PRSS23: variants seen among roughly 807,000 people sequenced by gnomAD.
PRSS23 encodes the protein serine protease 23.
A neutral mutation model predicts 34.7 loss-of-function variants in PRSS23; 25 were observed. That is an observed-to-expected ratio of 0.72 (90% CI 0.53 to 1.01). The LOEUF (loss-of-function observed/expected upper bound fraction) is 1.01, where lower values mean the gene tolerates loss of function less well. Ranked by LOEUF, PRSS23 falls within the 50% of genes least tolerant of loss-of-function variation. The pLI, the probability that PRSS23 is intolerant of heterozygous loss-of-function variation, is 0.00. For synonymous variants in PRSS23, 176 were observed against 186.6 expected (o/e 0.94, Z 0.46); for missense variants, 445 against 475.6 (o/e 0.94, Z 0.60).
chr11:86,856,537 A>G (rs1948572822), intron 2 of PRSS23, among the ~76,000 whole-genome samples: 1 of 152,210 alleles, frequency 6.6e-6, no homozygotes, highest in South Asian at 2.1e-4. Context: ...TGAACTGTGG[A>G]AAAGGATGTG....
At chr11:86,905,249 C>T (rs1327968932) in intron 2 of PRSS23, among the ~76,000 whole-genome samples, 1 of 152,168 alleles carries the variant, frequency 6.6e-6, no homozygotes, top group East Asian at 1.9e-4. Flanking sequence ...CACATAGTGG[C>T]TATTCAATAA....
At chr11:86,862,092 G>A (rs546059717) in intron 2 of PRSS23, among the ~76,000 whole-genome samples, 37 of 151,518 alleles carry the variant, frequency 2.4e-4, no homozygotes, top group Non-Finnish European at 4.4e-4. Context: ...TCGCAATATC[G>A]CAGGGGGTGT....
At chr11:86,821,870 T>C (rs192326350) in intron 1 of PRSS23, 42 of 396,900 alleles carry the variant, frequency 1.1e-4, no homozygotes, top group African/African-American at 7.5e-4. Context: ...GTACCAATAA[T>C]TTTTTAGAAG....
At chr11:86,791,958 GAT>G (rs1401952013) in intron 1 of PRSS23, among the ~76,000 whole-genome samples, 1 of 152,164 alleles carries the variant, frequency 6.6e-6, no homozygotes, top group East Asian at 1.9e-4. Flanking sequence ...GGCTCTGTGC[GAT>G]ATGTTAATAT....
intron 2 of PRSS23, among the ~76,000 whole-genome samples, chr11:86,852,846 TTTTG>T (rs571111059): frequency 3.6e-4 from 54 of 152,012 alleles, no homozygotes; most frequent in African/African-American, 5.8e-4. Context: ...TCACACCATG[TTTTG>T]TTTGTTTGTT....
chr11:86,831,814 G>T (rs1013971702), intron 2 of PRSS23, among the ~76,000 whole-genome samples: 1 of 151,766 alleles, frequency 6.6e-6, no homozygotes, highest in African/African-American at 2.4e-5. Context: ...GTCGCAGCGG[G>T]TATACACCCT....
At chr11:86,875,498 G>A (rs183480443) in intron 2 of PRSS23, among the ~76,000 whole-genome samples, 2 of 152,276 alleles carry the variant, frequency 1.3e-5, no homozygotes, top group East Asian at 1.9e-4. Flanking sequence ...TGGTAGGAAC[G>A]CTGACTCTTT....
At chr11:86,841,728 C>A (rs561586058) in intron 2 of PRSS23, among the ~76,000 whole-genome samples, 1 of 152,178 alleles carries the variant, frequency 6.6e-6, no homozygotes, top group African/African-American at 2.4e-5. Flanking sequence ...CAAGAGTAAA[C>A]CAGGAGGAAG....
At chr11:86,908,596 C>T (rs549615679) in intron 2 of PRSS23, among the ~76,000 whole-genome samples, 2 of 152,288 alleles carry the variant, frequency 1.3e-5, no homozygotes, top group Non-Finnish European at 2.9e-5. Flanking sequence ...TAGTTCAACA[C>T]TATGGGATAC....
intron 2 of PRSS23, among the ~76,000 whole-genome samples, chr11:86,931,927 G>GACCAA (rs1423710471): frequency 6.6e-6 from 1 of 152,140 alleles, no homozygotes; most frequent in Non-Finnish European, 1.5e-5. Context: ...TATTATTGGG[G>GACCAA]ACCAAATAAA....
At chr11:86,895,530 A>G (rs1197358186) in intron 2 of PRSS23, among the ~76,000 whole-genome samples, 1 of 115,616 alleles carries the variant, frequency 8.6e-6, no homozygotes, top group Non-Finnish European at 1.6e-5. Context: ...CCCAGGCTGG[A>G]GTACAGTGAT....
chr11:86,874,601 C>T (rs901336395), intron 2 of PRSS23, among the ~76,000 whole-genome samples: 3 of 152,194 alleles, frequency 2.0e-5, no homozygotes, highest in African/African-American at 4.8e-5. Flanking sequence ...CAAAACTAGT[C>T]GGAGTTTACC....
intron 2 of PRSS23, among the ~76,000 whole-genome samples, chr11:86,915,543 A>G (rs1008803775): frequency 5.4e-5 from 8 of 148,292 alleles, no homozygotes; most frequent in African/African-American, 1.7e-4. Context: ...ATAATAATAT[A>G]TATTATATAT....
At chr11:86,840,492 A>T (rs1365375153) in intron 2 of PRSS23, among the ~76,000 whole-genome samples, 4 of 152,094 alleles carry the variant, frequency 2.6e-5, no homozygotes, top group African/African-American at 9.7e-5. Flanking sequence ...CTACAAAGAG[A>T]CTCCCACACA....
In PRSS23 at chr11:86,951,882, G is replaced by C. The variant is rs2135040940; in HGVS notation, c.*597G>C. The stretch of plus-strand genomic sequence containing the variant: ...GTGTTCTTAAGTCCTTCTTGGATGA[G>C]AACAGGTTCTGCTGCCTCTTCAAAA... On this transcript the variant is annotated 3_prime_UTR_variant, in exon 3 of 3. Coordinates refer to the PRSS23 transcript ENST00000533902. The C allele has an allele frequency of 6.2e-7, 1 of 1,613,656 alleles. No homozygotes were observed. Among genetic ancestry groups the C allele is most frequent in the Non-Finnish European group, 8.5e-7 (1 of 1,180,008 alleles).
At chr11:86,820,542 T>A (rs1590877700) in intron 1 of PRSS23, among the ~76,000 whole-genome samples, 1 of 152,332 alleles carries the variant, frequency 6.6e-6, no homozygotes, top group South Asian at 2.1e-4. Context: ...TCCAAGTATG[T>A]TATACTTTAT....
intron 2 of PRSS23, among the ~76,000 whole-genome samples, chr11:86,943,711 T>G (rs180704285): frequency 9.4e-4 from 143 of 152,282 alleles, no homozygotes; most frequent in African/African-American, 1.9e-3. Flanking sequence ...TGTAACAAAT[T>G]ATCACAAACT....
At chr11:86,867,984 C>T (rs375079129) in intron 2 of PRSS23, among the ~76,000 whole-genome samples, 22 of 152,002 alleles carry the variant, frequency 1.4e-4, no homozygotes, top group African/African-American at 4.1e-4. Context: ...GGAGGCTACT[C>T]GCCTCGGCCC....
At chr11:86,812,981 A>G (rs182863745), downstream of PRSS23, among the ~76,000 whole-genome samples, 2 of 152,130 alleles carry the variant, frequency 1.3e-5, no homozygotes, top group East Asian at 3.9e-4. Flanking sequence ...ATATGATTTA[A>G]AGATCCTCCC....
Sources: allele counts gnomAD v4.1 joint callset (sites outside exome capture counted in the v4.1 genomes callset), GRCh38; gene constraint gnomAD v4.1.1; transcripts MANE v1.5; gene names NCBI Gene and HGNC (gene_info 2026-07-23, HGNC 2026-07-21).